Variants in LRRC28 observed in about 807,000 individuals in gnomAD.
The protein encoded by LRRC28 is leucine rich repeat containing 28.
In LRRC28, 39 loss-of-function variants were observed where a neutral mutation model predicts 45.7. That is an observed-to-expected ratio of 0.85 (90% CI 0.66 to 1.12). The LOEUF is 1.12. Among genes scored for constraint, LRRC28 ranks in the 50% most tolerant of loss-of-function variants. LRRC28 has a pLI of 0.00. For missense variants in LRRC28, 435 were observed against 438.5 expected (o/e 0.99, Z 0.07); for synonymous variants, 206 against 178.8 (o/e 1.15, Z -1.22).
At chr15:99,375,237 A>G (rs1957594802) in intron 9 of LRRC28, among the ~76,000 whole-genome samples, 2 of 152,274 alleles carry the variant, frequency 1.3e-5, no homozygotes, top group South Asian at 4.1e-4. Context: ...TGATATGATC[A>G]TATGGTTTTT....
chr15:99,320,891 A>T (rs1955772219), intron 5 of LRRC28, among the ~76,000 whole-genome samples: 2 of 152,186 alleles, frequency 1.3e-5, no homozygotes, highest in African/African-American at 2.4e-5. Context: ...TTGAAAATAC[A>T]CTTATTCCAA....
chr15:99,358,234 A>G (rs1421764810), intron 7 of LRRC28, among the ~76,000 whole-genome samples: 1 of 152,216 alleles, frequency 6.6e-6, no homozygotes, highest in African/African-American at 2.4e-5. Flanking sequence ...ACAGTAATAA[A>G]TATCACAAGA....
chr15:99,252,316 T>A (rs931764141), intron 1 of LRRC28, among the ~76,000 whole-genome samples: 1 of 152,260 alleles, frequency 6.6e-6, no homozygotes, highest in African/African-American at 2.4e-5. Flanking sequence ...GTTGATGCTT[T>A]ATTGCTATTA....
chr15:99,381,752 C>T (rs1197077872), intron 9 of LRRC28, among the ~76,000 whole-genome samples: 1 of 152,224 alleles, frequency 6.6e-6, no homozygotes, highest in Middle Eastern at 3.2e-3. Context: ...TTCTAACAGT[C>T]AGGACCCTTA....
chr15:99,384,332 C>G (rs1025017100), intron 9 of LRRC28: 2 of 152,280 alleles, frequency 1.3e-5, no homozygotes, highest in Admixed American at 1.3e-4. Flanking sequence ...AGATTTGTGC[C>G]TGTCTAGAGG....
At chr15:99,279,663 C>T (rs952207146) in intron 3 of LRRC28, among the ~76,000 whole-genome samples, 5 of 152,162 alleles carry the variant, frequency 3.3e-5, no homozygotes, top group East Asian at 1.9e-4. Flanking sequence ...CTAGAGCAAG[C>T]GAAAATACCA....
intron 2 of LRRC28, among the ~76,000 whole-genome samples, chr15:99,265,539 G>A (rs1443784743): frequency 3.3e-5 from 5 of 152,180 alleles, no homozygotes; most frequent in African/African-American, 1.2e-4. Context: ...GGGGGCTGAG[G>A]TAGAGCCTTA....
At chr15:99,258,177 A>C (rs912995531) in intron 2 of LRRC28, 96 of 1,612,370 alleles carry the variant, frequency 6.0e-5, no homozygotes, top group Middle Eastern at 3.3e-4. Flanking sequence ...GAAGATGGCC[A>C]GTCAACTTCT....
At position 99,363,264 on chromosome 15, in the gene LRRC28, T is replaced by C. The variant is rs774269053; in HGVS notation, c.1030T>C (p.Trp344Arg). ...RETPMAGLHQWKTTVSFVAYC... is the reference protein window; with the variant it reads ...RETPMAGLHQRKTTVSFVAYC... ...GACGCCAATGGCAGGGCTGCACCAG[T>C]GGTAATCATGCCTAAGTGGGCACCA... Residue 344 changes from tryptophan to arginine, a missense_variant and splice_region_variant, in exon 9 of 10, where the codon TGG (tryptophan) becomes CGG (arginine). Trp to Arg is a moderately radical substitution (Grantham distance 101). Coordinates refer to ENST00000301981, the MANE Select transcript of LRRC28 (RefSeq NM_144598.5). 1 of 1,613,544 alleles carries C rather than the reference T, an allele frequency of 6.2e-7. No individual in the cohort carries two copies. The highest frequency in any genetic ancestry group is 8.5e-7 in the Non-Finnish European group (1 of 1,179,772).
intron 7 of LRRC28, among the ~76,000 whole-genome samples, chr15:99,354,811 G>A (rs1248263660): frequency 6.6e-6 from 1 of 152,190 alleles, no homozygotes; most frequent in Non-Finnish European, 1.5e-5. Flanking sequence ...GCTATCATAT[G>A]TTGCATCTGA....
chr15:99,297,850 T>G (rs1277158220), intron 5 of LRRC28, among the ~76,000 whole-genome samples: 1 of 152,044 alleles, frequency 6.6e-6, no homozygotes, highest in Non-Finnish European at 1.5e-5. Context: ...TTACAAGCTT[T>G]GAAAATTTGG....
At position 99,363,243 on chromosome 15, in the gene LRRC28, C is replaced by G; in HGVS notation, c.1009C>G (p.Pro337Ala). The G allele has an allele frequency of 6.2e-7, 1 of 1,614,004 alleles. No individual in the cohort carries two copies. Among genetic ancestry groups the G allele is most frequent in the Non-Finnish European group, 8.5e-7 (1 of 1,179,904 alleles). ...YPKLFPLRET[P>A]MAGLHQWKTT... is the part of the protein sequence containing the mutation. ...CAAGCTCTTTCCCTTGAGAGAGACG[C>G]CAATGGCAGGGCTGCACCAGTGGTA... The change falls in exon 9 of 10, where the codon CCA becomes GCA. Residue 337 changes from proline to alanine, a missense_variant. Coordinates refer to ENST00000301981, the MANE Select transcript of LRRC28 (RefSeq NM_144598.5).
chr15:99,340,755 C>G (rs1174372987), intron 6 of LRRC28, among the ~76,000 whole-genome samples: 1 of 152,160 alleles, frequency 6.6e-6, no homozygotes, highest in East Asian at 1.9e-4. Flanking sequence ...GGTGTGATAG[C>G]TGCTTTCAAA....
At chr15:99,306,512 A>G (rs1020199304) in intron 5 of LRRC28, among the ~76,000 whole-genome samples, 1 of 152,160 alleles carries the variant, frequency 6.6e-6, no homozygotes, top group African/African-American at 2.4e-5. Flanking sequence ...TTAATTTCAC[A>G]TTTTTTGTCA....
At chr15:99,347,795 A>G (rs1956742711) in intron 6 of LRRC28, among the ~76,000 whole-genome samples, 1 of 152,182 alleles carries the variant, frequency 6.6e-6, no homozygotes, top group Non-Finnish European at 1.5e-5. Flanking sequence ...ATATATACCC[A>G]GGAGAGGGAT....
At chr15:99,375,290 T>C (rs1485472175) in intron 9 of LRRC28, among the ~76,000 whole-genome samples, 1 of 152,224 alleles carries the variant, frequency 6.6e-6, no homozygotes, top group African/African-American at 2.4e-5. Flanking sequence ...TTATCAAATA[T>C]TGAACTAGCC....
chr15:99,368,414 G>A (rs918223701), intron 9 of LRRC28, among the ~76,000 whole-genome samples: 3 of 152,190 alleles, frequency 2.0e-5, no homozygotes, highest in African/African-American at 7.2e-5. Flanking sequence ...TCTAGAAGGT[G>A]AAATTCCATT....
chr15:99,367,453 C>A (rs1161677293), intron 9 of LRRC28, among the ~76,000 whole-genome samples: 1 of 152,120 alleles, frequency 6.6e-6, no homozygotes, highest in East Asian at 1.9e-4. Flanking sequence ...GAAAATCAGA[C>A]CAAACTTGTC....
At chr15:99,319,094 T>C (rs2152275012) in intron 5 of LRRC28, among the ~76,000 whole-genome samples, 1 of 152,312 alleles carries the variant, frequency 6.6e-6, no homozygotes. Context: ...TTACTTATTC[T>C]GTGCAAAGTA....
Sources: allele counts gnomAD v4.1 joint callset (sites outside exome capture counted in the v4.1 genomes callset), GRCh38; gene constraint gnomAD v4.1.1; transcripts MANE v1.5; gene names NCBI Gene and HGNC (gene_info 2026-07-23, HGNC 2026-07-21).